Variants in RGS6 observed in about 807,000 individuals in gnomAD.
RGS6 encodes the protein regulator of G-protein signaling 6.
RGS6 carries 30 observed loss-of-function variants against 78.5 expected under a neutral mutation model. The ratio of observed to expected loss-of-function variants is 0.38; its 90% CI spans 0.29 to 0.52. The LOEUF (loss-of-function observed/expected upper bound fraction) is 0.52. RGS6 is among the 20% of genes least tolerant of loss of function. The pLI, the probability that RGS6 is intolerant of heterozygous loss-of-function variation, is 0.85. For synonymous variants in RGS6, 206 were observed against 206.0 expected (o/e 1.00, Z 0.00); for missense variants, 495 against 609.7 (o/e 0.81, Z 1.98).
the RGS6 span, among the ~76,000 whole-genome samples, chr14:71,879,874 G>A: frequency 6.6e-6 from 1 of 152,224 alleles, no homozygotes; most frequent in African/African-American, 2.4e-5. Flanking sequence ...AGCAACTTTG[G>A]AACTGGGTAA....
At chr14:72,414,584 G>A (rs947232982) in intron 3 of RGS6, among the ~76,000 whole-genome samples, 3 of 152,230 alleles carry the variant, frequency 2.0e-5, no homozygotes, top group Non-Finnish European at 4.4e-5. Context: ...TCTCCGTCCA[G>A]CTGTGTTCCG....
chr14:72,328,073 G>A (rs989852416), intron 2 of RGS6, among the ~76,000 whole-genome samples: 1 of 152,160 alleles, frequency 6.6e-6, no homozygotes, highest in Non-Finnish European at 1.5e-5. Flanking sequence ...CAGCTCTGAT[G>A]TCCCAGGGCA....
At chr14:72,270,750 A>G (rs1420258329) in intron 2 of RGS6, among the ~76,000 whole-genome samples, 1 of 152,172 alleles carries the variant, frequency 6.6e-6, no homozygotes, top group Non-Finnish European at 1.5e-5. Context: ...ATAATACATC[A>G]AAGGCCATGA....
intron 2 of RGS6, among the ~76,000 whole-genome samples, chr14:72,156,307 G>A (rs183882021): frequency 1.2e-4 from 19 of 152,162 alleles, no homozygotes; most frequent in South Asian, 4.2e-4. Flanking sequence ...TTAGCTGGGC[G>A]TGGTGGCACG....
In RGS6 at chr14:72,438,292, TTC is replaced by T. The variant is rs200186012; in HGVS notation, c.185-16228_185-16227del. ...CCAAGGCCTTGGTTCCGAGCCCCTC[TTC>T]TCTCTCTGCATTTTCTCCTTGGGTG... On this transcript the variant is annotated intron_variant, in intron 3 of 17. Transcript: ENST00000553525. Among the ~76,000 whole-genome samples the T allele has an allele frequency of 3.9e-5, 6 of 152,178 alleles. No homozygotes were observed. The East Asian group carries it at 9.7e-4, about 25-fold the overall frequency.
chr14:72,528,097 T>C (rs1411798231), intron 15 of RGS6, among the ~76,000 whole-genome samples: 2 of 152,178 alleles, frequency 1.3e-5, no homozygotes, highest in African/African-American at 4.8e-5. Context: ...TGCATGCTTG[T>C]GGCCCAGGGC....
chr14:72,255,177 G>T (rs1374978282), intron 2 of RGS6, among the ~76,000 whole-genome samples: 2 of 152,150 alleles, frequency 1.3e-5, no homozygotes, highest in Non-Finnish European at 2.9e-5. Context: ...GCAGGTTTAG[G>T]ATTGGCTAAT....
chr14:72,172,486 A>G (rs1289517306), intron 2 of RGS6, among the ~76,000 whole-genome samples: 1 of 152,100 alleles, frequency 6.6e-6, no homozygotes, highest in East Asian at 1.9e-4. Flanking sequence ...ATTTGTAAAC[A>G]TGTGTTATGT....
chr14:72,368,688 C>T (rs1344720052), intron 3 of RGS6, among the ~76,000 whole-genome samples: 5 of 152,068 alleles, frequency 3.3e-5, no homozygotes, highest in Non-Finnish European at 7.4e-5. Flanking sequence ...TTAGTAATTC[C>T]CTGAGAATTG....
the RGS6 span, among the ~76,000 whole-genome samples, chr14:72,602,439 G>A: frequency 2.0e-5 from 3 of 152,152 alleles, no homozygotes; most frequent in African/African-American, 7.2e-5. Context: ...TCTCAGACGA[G>A]GAAATTGAGG....
intron 3 of RGS6, among the ~76,000 whole-genome samples, chr14:72,382,276 G>T (rs1260468194): frequency 2.6e-5 from 4 of 152,002 alleles, no homozygotes. Context: ...ATAGAAAAAT[G>T]AGCAAAACCA....
At chr14:72,176,704 T>C (rs2097109266) in intron 2 of RGS6, among the ~76,000 whole-genome samples, 1 of 152,206 alleles carries the variant, frequency 6.6e-6, no homozygotes, top group Non-Finnish European at 1.5e-5. Context: ...TCTACCTGAA[T>C]AGAAAGATTA....
intron 3 of RGS6, among the ~76,000 whole-genome samples, chr14:72,371,962 A>G (rs897803869): frequency 7.9e-5 from 12 of 152,250 alleles, no homozygotes; most frequent in Admixed American, 2.6e-4. Context: ...ATGGAATTCT[A>G]TACACTAAAA....
chr14:72,331,303 C>T (rs984712902), intron 2 of RGS6, among the ~76,000 whole-genome samples: 13 of 151,380 alleles, frequency 8.6e-5, no homozygotes, highest in African/African-American at 2.9e-4. Context: ...CCTTACAGTG[C>T]GTAGCAGTTT....
chr14:72,534,483 C>T (rs2097220475), intron 15 of RGS6, among the ~76,000 whole-genome samples: 1 of 152,186 alleles, frequency 6.6e-6, no homozygotes, highest in Non-Finnish European at 1.5e-5. Flanking sequence ...TTCACTTAAC[C>T]TAATGTTCTC....
chr14:72,472,047 TA>T lies in RGS6; in HGVS notation c.537-824del, dbSNP rs565434830. Among the ~76,000 whole-genome samples, 412 of 152,130 alleles carry T rather than the reference TA, an allele frequency of 2.7e-3. 2 individuals are homozygous for T. Among genetic ancestry groups the T allele is most frequent in the African/African-American group, 9.6e-3 (397 of 41,504 alleles). Reference sequence around the variant, plus strand: ...ATTATCACAAAAATCGCAGGGTGATTATGGGTTTATTTCAGTCCAGTAAAGT... The same window carrying T: ...ATTATCACAAAAATCGCAGGGTGATTTGGGTTTATTTCAGTCCAGTAAAGT... On this transcript the variant is annotated intron_variant, in intron 8 of 17. Coordinates refer to ENST00000553525, the MANE Select transcript of RGS6 (RefSeq NM_001204424.2).
intron 2 of RGS6, among the ~76,000 whole-genome samples, chr14:72,003,473 G>A (rs2083888356): frequency 6.6e-6 from 1 of 152,108 alleles, no homozygotes; most frequent in South Asian, 2.1e-4. Context: ...CAGAAACTGT[G>A]TACTTATTAA....
chr14:71,886,507 T>C, the RGS6 span, among the ~76,000 whole-genome samples: 2 of 152,206 alleles, frequency 1.3e-5, no homozygotes, highest in Non-Finnish European at 2.9e-5. Flanking sequence ...TTTAGTAGTC[T>C]TCTGTCTAAG....
At chr14:72,435,186 GT>G (rs1453349072) in intron 3 of RGS6, among the ~76,000 whole-genome samples, 1 of 152,208 alleles carries the variant, frequency 6.6e-6, no homozygotes, top group Non-Finnish European at 1.5e-5. Flanking sequence ...TACTTCTGAA[GT>G]TTTTTATGCT....
Sources: gnomAD v4.1 joint callset for allele counts (sites outside exome capture counted in the v4.1 genomes callset) on GRCh38, gnomAD v4.1.1 for gene constraint, MANE v1.5 for transcripts, NCBI Gene and HGNC (gene_info 2026-07-23, HGNC 2026-07-21) for gene names.